Variants in CHP1 observed in about 807,000 individuals in gnomAD.
CHP1 encodes the protein calcineurin like EF-hand protein 1.
A neutral mutation model predicts 27.4 loss-of-function variants in CHP1; 11 were observed. That is an observed-to-expected ratio of 0.40 (90% confidence interval 0.25 to 0.67). The LOEUF is 0.67. Ranked by LOEUF, CHP1 falls within the 30% of genes least tolerant of loss-of-function variation. The pLI, the probability that CHP1 is intolerant of heterozygous loss-of-function variation, is 0.38. For synonymous variants in CHP1, 89 were observed against 87.4 expected (o/e 1.02, Z -0.10); for missense variants, 169 against 251.3 (o/e 0.67, Z 2.22).
intron 2 of CHP1, among the ~76,000 whole-genome samples, chr15:41,253,023 C>T (rs537879604): frequency 3.4e-5 from 5 of 148,574 alleles, no homozygotes; most frequent in African/African-American, 5.0e-5. Flanking sequence ...ACTGCAACCT[C>T]CACCTCCCAG....
chr15:41,242,597 C>CA (rs1260473551), intron 1 of CHP1, among the ~76,000 whole-genome samples: 1 of 151,190 alleles, frequency 6.6e-6, no homozygotes, highest in Non-Finnish European at 1.5e-5. Context: ...CCAGCCTGGG[C>CA]GACAAAGTTG....
rs544019966 is a variant in CHP1, at chr15:41,273,907, C to T, written c.411+3289C>T. On this transcript the variant is annotated intron_variant, in intron 5 of 6. Coordinates refer to ENST00000334660, the MANE Select transcript of CHP1 (RefSeq NM_007236.5). ...AGTGAGCTGAGATCATGCCACTGCTCTCCAGCCTGGGCGACAGAGCAAAAC... is the reference window on the plus strand; with the variant it reads ...AGTGAGCTGAGATCATGCCACTGCTTTCCAGCCTGGGCGACAGAGCAAAAC... 2.0e-5 allele frequency among the ~76,000 whole-genome samples: 3 copies of T among 151,488 alleles called. No individual in the cohort carries two copies. In the South Asian group the frequency reaches 6.3e-4, roughly 32 times the overall value.
chr15:41,261,989 T>A (rs1298202333), intron 3 of CHP1, among the ~76,000 whole-genome samples: 1 of 103,318 alleles, frequency 9.7e-6, no homozygotes, highest in African/African-American at 4.5e-5. Context: ...CAAAACTCCA[T>A]CTCAAAAAAA....
intron 1 of CHP1, among the ~76,000 whole-genome samples, chr15:41,239,726 G>A (rs908726758): frequency 4.6e-5 from 7 of 151,506 alleles, no homozygotes; most frequent in Admixed American, 1.3e-4. Flanking sequence ...CCATAAACTG[G>A]TCTTAACATA....
intron 2 of CHP1, among the ~76,000 whole-genome samples, chr15:41,250,775 A>G (rs996422277): frequency 1.3e-5 from 2 of 151,388 alleles, no homozygotes; most frequent in African/African-American, 4.8e-5. Context: ...ACAATAAGAT[A>G]TATATAGATG....
At chr15:41,261,166 T>TA (rs1168893695) in intron 3 of CHP1, among the ~76,000 whole-genome samples, 1 of 150,572 alleles carries the variant, frequency 6.6e-6, no homozygotes, top group African/African-American at 2.4e-5. Context: ...TTTCCTTTTC[T>TA]TTTTTTTTGA....
chr15:41,267,112 G>A (rs1300591486), intron 4 of CHP1, among the ~76,000 whole-genome samples: 2 of 152,170 alleles, frequency 1.3e-5, no homozygotes, highest in Non-Finnish European at 2.9e-5. Context: ...TTCCTCTTAT[G>A]TGAGGTTTCC....
rs2140945972 is a variant in CHP1 at position 41,279,443 on chromosome 15, T to C, written c.*54T>C. 5 of 1,486,962 alleles carry C rather than the reference T, an allele frequency of 3.4e-6. No individual in the cohort carries two copies. In the South Asian group the frequency reaches 5.7e-5, roughly 17 times the overall value. The allele number at this position is 1,486,962 out of a possible 1,614,324, so 92.1% of individuals were successfully genotyped here. On this transcript the variant is annotated 3_prime_UTR_variant, in exon 7 of 7. Transcript: ENST00000334660. ...GTATTTAAGAACTGGAACTTGAAAG[T>C]CCTCCTTCTACCAACTCCACCTCCA...
At chr15:41,265,235 A>T (rs77898554) in intron 4 of CHP1, among the ~76,000 whole-genome samples, 2 of 151,512 alleles carry the variant, frequency 1.3e-5, no homozygotes, top group African/African-American at 4.9e-5. Flanking sequence ...ATAATGGTGG[A>T]TGCCTGTAAT....
rs2047318648 is a variant in CHP1 at position 41,243,687 on chromosome 15, C to T, written c.88C>T (p.Arg30Cys). Residue 30 changes from arginine (R) to cysteine (C), a missense_variant, in exon 2 of 7, where the codon CGC becomes TGC. By Grantham distance (180) the Arg-to-Cys change is radical. Coordinates refer to ENST00000334660, the MANE Select transcript of CHP1 (RefSeq NM_007236.5). Reference protein sequence around the residue: ...ETGFSHSQITRLYSRFTSLDK... With the variant: ...ETGFSHSQITCLYSRFTSLDK... ...TTTAGTTTCCCACAGTCAAATCACT[C>T]GCCTCTACAGCCGGTTCACCAGCCT... 6.2e-7 allele frequency: 1 copy of T among 1,613,914 alleles called. No homozygotes were observed. The highest frequency in any genetic ancestry group is 1.7e-5 in the Admixed American group (1 of 59,990).
chr15:41,255,871 G>T (rs2047398028), intron 2 of CHP1, among the ~76,000 whole-genome samples: 1 of 151,998 alleles, frequency 6.6e-6, no homozygotes, highest in African/African-American at 2.4e-5. Flanking sequence ...CAAAAAACTA[G>T]CCAGGCGTGG....
intron 1 of CHP1, among the ~76,000 whole-genome samples, chr15:41,241,649 C>T (rs1016264226): frequency 5.9e-5 from 9 of 152,350 alleles, no homozygotes; most frequent in Admixed American, 5.9e-4. Flanking sequence ...GCCTTCTCTG[C>T]TCAGTGATCA....
At chr15:41,259,910 C>T (rs879583969) in intron 3 of CHP1, among the ~76,000 whole-genome samples, 18 of 152,290 alleles carry the variant, frequency 1.2e-4, no homozygotes, top group Admixed American at 8.5e-4. Context: ...CACGCCACCA[C>T]GCCTGGCTAA....
chr15:41,244,008 A>G (rs886080879), intron 2 of CHP1, among the ~76,000 whole-genome samples: 1 of 151,940 alleles, frequency 6.6e-6, no homozygotes, highest in Non-Finnish European at 1.5e-5. Flanking sequence ...GACCAGCCTG[A>G]CCAACATGGT....
intron 1 of CHP1, chr15:41,234,087 C>T (rs530503030): frequency 6.6e-6 from 1 of 152,204 alleles, no homozygotes; most frequent in East Asian, 1.9e-4. Context: ...GTAGCTAGGA[C>T]TACAGGCGCA....
chr15:41,248,148 A>AT lies in CHP1; in HGVS notation c.140+4423dup, dbSNP rs879583449. ...AGACACTGTTCTCCATGCTGGCAATATTTTTTTTTTTTTTGTAAGAGACAG... is the reference window on the plus strand; with the variant it reads ...AGACACTGTTCTCCATGCTGGCAATATTTTTTTTTTTTTTTGTAAGAGACAG... On this transcript the variant is annotated intron_variant, in intron 2 of 6. Transcript: ENST00000334660. Among the ~76,000 whole-genome samples the AT allele has an allele frequency of 1.8e-3, 254 of 143,208 alleles. No individual in the cohort carries two copies. The Middle Eastern group carries it at 0.018, about 10-fold the overall frequency. 94.0% of individuals were successfully genotyped at this position (143,208 alleles called of 152,430 possible).
intron 2 of CHP1, among the ~76,000 whole-genome samples, chr15:41,249,836 T>TC (rs1157946979): frequency 1.3e-5 from 2 of 152,084 alleles, no homozygotes; most frequent in East Asian, 3.9e-4. Context: ...AACAATTTTT[T>TC]TTTTTTTTTT....
At chr15:41,265,097 C>T (rs1382148158) in intron 4 of CHP1, among the ~76,000 whole-genome samples, 2 of 152,056 alleles carry the variant, frequency 1.3e-5, no homozygotes, top group African/African-American at 2.4e-5. Flanking sequence ...TGCGGTGGCT[C>T]ACGCCTGTAA....
In CHP1 at chr15:41,280,539, G is replaced by C. The variant is rs1485964050; in HGVS notation, c.*1150G>C. On this transcript the variant is annotated 3_prime_UTR_variant, in exon 7 of 7. Coordinates refer to ENST00000334660, the MANE Select transcript of CHP1 (RefSeq NM_007236.5). ...TTTTTTTTTTTTTTTTTTTGAGACA[G>C]AGTCTTGCTCTGTCACCCAGGCTGG... is the stretch of plus-strand genomic sequence containing the variant. 2 of 107,536 alleles carry C rather than the reference G, an allele frequency of 1.9e-5. No homozygotes were observed. The highest frequency in any genetic ancestry group is 3.4e-4 in the South Asian group (1 of 2,972). The allele number at this position is 107,536 out of a possible 1,614,324, so 6.7% of individuals were successfully genotyped here. A position where few individuals can be genotyped will look rare whatever the true frequency, so the allele number is the denominator to read the frequency against.
Sources: allele counts gnomAD v4.1 joint callset (sites outside exome capture counted in the v4.1 genomes callset), GRCh38; gene constraint gnomAD v4.1.1; transcripts MANE v1.5; gene names NCBI Gene and HGNC (gene_info 2026-07-23, HGNC 2026-07-21).